PHC3: variants seen among roughly 807,000 people sequenced by gnomAD.
The protein encoded by PHC3 is polyhomeotic-like protein 3.
Under a neutral mutation model 107.4 loss-of-function variants are expected in PHC3, and 13 were observed. The ratio of observed to expected loss-of-function variants is 0.12; its 90% CI spans 0.08 to 0.19. The LOEUF (loss-of-function observed/expected upper bound fraction) is 0.19, where lower values mean the gene tolerates loss of function less well. PHC3 is among the 10% of genes least tolerant of loss of function. The probability of loss-of-function intolerance (pLI) is 1.00; values close to 1 mark genes in which losing one functional copy is unlikely to be tolerated. For synonymous variants in PHC3, 456 were observed against 427.4 expected (o/e 1.07, Z -0.83); for missense variants, 992 against 1,210.9 (o/e 0.82, Z 2.68).
chr3:170,156,818 A>G (rs1026510395), intron 4 of PHC3, among the ~76,000 whole-genome samples: 1 of 150,478 alleles, frequency 6.6e-6, no homozygotes, highest in East Asian at 2.0e-4. Flanking sequence ...GCTGGTCTTG[A>G]ACTCCTGACC....
chr3:170,153,130 T>C (rs540110977), intron 4 of PHC3, among the ~76,000 whole-genome samples: 9 of 152,344 alleles, frequency 5.9e-5, no homozygotes, highest in African/African-American at 2.2e-4. Flanking sequence ...AAATTCAGCA[T>C]GTTCAAACAG....
At chr3:170,126,504 G>GTATATATA (rs1174515889) in intron 8 of PHC3, among the ~76,000 whole-genome samples, 42 of 117,300 alleles carry the variant, frequency 3.6e-4, no homozygotes, top group African/African-American at 1.3e-3. Context: ...TGCTCCATAT[G>GTATATATA]TATATATATA....
intron 9 of PHC3, among the ~76,000 whole-genome samples, chr3:170,121,354 A>G (rs1720265706): frequency 6.6e-6 from 1 of 152,206 alleles, no homozygotes; most frequent in East Asian, 1.9e-4. Flanking sequence ...CTGAACAGTG[A>G]GCAGTGTGCC....
At chr3:170,100,322 C>T (rs1715274853) in intron 14 of PHC3, among the ~76,000 whole-genome samples, 2 of 152,040 alleles carry the variant, frequency 1.3e-5, no homozygotes, top group South Asian at 2.1e-4. Context: ...AAGCTCAAAA[C>T]GAAATTTACA....
rs1198286737 is a variant in PHC3, at chr3:170,112,490, T to C, written c.2353+870A>G. Among the ~76,000 whole-genome samples, 8 of 150,750 alleles carry C rather than the reference T, an allele frequency of 5.3e-5. No individual in the cohort carries two copies. In the East Asian group the frequency reaches 1.6e-3, roughly 29 times the overall value. ...CACCCACCTCAGCCTCCCAAAGTGC[T>C]GGGATTACAGACATAAGCCACCGCG... On this transcript the variant is annotated intron_variant, in intron 11 of 14. Transcript: ENST00000495893.
intron 4 of PHC3, among the ~76,000 whole-genome samples, chr3:170,151,878 A>G (rs534382736): frequency 6.6e-6 from 1 of 152,284 alleles, no homozygotes; most frequent in East Asian, 1.9e-4. Context: ...AACCCAGGAC[A>G]CTTGTTAAAC....
At chr3:170,138,468 G>A (rs576507013) in intron 6 of PHC3, among the ~76,000 whole-genome samples, 1 of 152,172 alleles carries the variant, frequency 6.6e-6, no homozygotes, top group Admixed American at 6.5e-5. Context: ...GAGGCAGGCG[G>A]ATCACAAGGT....
rs780182806 is a variant in PHC3, at chr3:170,145,462, C to T, written c.633G>A (p.Ser211=). 32 of 1,613,376 alleles carry T rather than the reference C, an allele frequency of 2.0e-5. No individual in the cohort carries two copies. The highest frequency in any genetic ancestry group is 9.9e-5 in the South Asian group (9 of 91,058). Residue 211 remains serine, a synonymous_variant, in exon 6 of 15, where the codon TCG becomes TCA. Coordinates refer to ENST00000495893, the MANE Select transcript of PHC3 (RefSeq NM_024947.4). The stretch of plus-strand genomic sequence containing the variant: ...ACTGACAGGAAGATGACGATGACGA[C>T]GAGACAACAGGAATGTCAGACTGTA... ...AAVQSDIPVV[S]SSSSSSCQSA... is the part of the protein sequence containing the mutation.
At chr3:170,123,526 G>C (rs1002536141) in intron 8 of PHC3, among the ~76,000 whole-genome samples, 1 of 151,950 alleles carries the variant, frequency 6.6e-6, no homozygotes, top group Non-Finnish European at 1.5e-5. Context: ...GCAGTGGCTC[G>C]TGCCTGCAAT....
chr3:170,114,061 T>C (rs931989309), intron 10 of PHC3, among the ~76,000 whole-genome samples: 1 of 152,148 alleles, frequency 6.6e-6, no homozygotes, highest in Non-Finnish European at 1.5e-5. Flanking sequence ...TTTGCTCTTG[T>C]TGCAATGGTG....
intron 4 of PHC3, 106 bp downstream of exon 4, chr3:170,171,267 G>T: frequency 1.3e-6 from 1 of 764,988 alleles, no homozygotes; most frequent in Non-Finnish European, 2.1e-6. Context: ...ACTTTAAACA[G>T]CATGCAACAA....
intron 6 of PHC3, among the ~76,000 whole-genome samples, chr3:170,144,158 TAA>T (rs60191414): frequency 1.6e-4 from 19 of 118,810 alleles, no homozygotes; most frequent in South Asian, 2.7e-4. Flanking sequence ...TGTTTCTACT[TAA>T]AAAAAAAAAA....
At chr3:170,115,285 T>C (rs1357970492) in intron 10 of PHC3, among the ~76,000 whole-genome samples, 1 of 151,866 alleles carries the variant, frequency 6.6e-6, no homozygotes, top group Non-Finnish European at 1.5e-5. Flanking sequence ...CCAATACTAT[T>C]AATAATGAGA....
At chr3:170,153,694 C>T (rs544367703) in intron 4 of PHC3, among the ~76,000 whole-genome samples, 3 of 149,084 alleles carry the variant, frequency 2.0e-5, no homozygotes, top group South Asian at 2.1e-4. Flanking sequence ...ACCCGGGAAG[C>T]GGAGTTTGCA....
chr3:170,115,011 T>C (rs765768290), intron 10 of PHC3, among the ~76,000 whole-genome samples: 31 of 152,076 alleles, frequency 2.0e-4, no homozygotes, highest in Admixed American at 7.9e-4. Flanking sequence ...GATGAATAAA[T>C]TTAAATCATT....
intron 10 of PHC3, among the ~76,000 whole-genome samples, chr3:170,116,431 G>C (rs573789349): frequency 6.6e-6 from 1 of 152,070 alleles, no homozygotes; most frequent in Non-Finnish European, 1.5e-5. Context: ...GTCAGGCGTG[G>C]TGGTGCATGC....
In PHC3 at chr3:170,181,702, T is replaced by G; in HGVS notation, c.14A>C (p.Glu5Ala). 1.9e-6 allele frequency: 3 copies of G among 1,613,118 alleles called. No homozygotes were observed. The highest frequency in any genetic ancestry group is 2.5e-6 in the Non-Finnish European group (3 of 1,179,772). Residue 5 changes from glutamate (E) to alanine (A), a missense_variant and splice_region_variant, in exon 1 of 15, where the codon GAA (glutamate) becomes GCA (alanine). Glu to Ala is a moderately radical substitution (Grantham distance 107). Coordinates refer to ENST00000495893, the MANE Select transcript of PHC3 (RefSeq NM_024947.4). ...CATCAGTCACCATCTAGTCACTCAC[T>G]CCGCTTCCGCCATCTTCTCTCCTCC... The part of the protein sequence containing the change: MAEA[E>A]FKDHSTAMDT...
At chr3:170,140,623 T>G (rs1723923560) in intron 6 of PHC3, among the ~76,000 whole-genome samples, 1 of 134,336 alleles carries the variant, frequency 7.4e-6, no homozygotes. Flanking sequence ...AGACAGAGGC[T>G]TGCCCTGTCA....
chr3:170,141,153 A>C (rs1560084996), intron 6 of PHC3, among the ~76,000 whole-genome samples: 1 of 152,358 alleles, frequency 6.6e-6, no homozygotes. Context: ...AAAAATTTTA[A>C]CTGCAAATAT....
Sources: gnomAD v4.1 joint callset for allele counts (sites outside exome capture counted in the v4.1 genomes callset) on GRCh38, gnomAD v4.1.1 for gene constraint, MANE v1.5 for transcripts, NCBI Gene and HGNC (gene_info 2026-07-23, HGNC 2026-07-21) for gene names.